TMEM114: variants seen among roughly 807,000 people sequenced by gnomAD.
TMEM114 encodes the protein transmembrane protein 114, also known as claudin-26.
A neutral mutation model predicts 6.2 loss-of-function variants in TMEM114; 6 were observed. That is an observed-to-expected ratio of 0.97 (90% CI 0.53 to 1.91). The LOEUF is 1.91. Among genes scored for constraint, TMEM114 ranks in the 40% most tolerant of loss-of-function variants. The pLI is 0.01. For synonymous variants in TMEM114, 104 were observed against 73.0 expected (o/e 1.42, Z -2.16); for missense variants, 218 against 158.3 (o/e 1.38, Z -2.02).
intron 2 of TMEM114, among the ~76,000 whole-genome samples, chr16:8,548,240 G>A (rs554475910): frequency 1.3e-5 from 2 of 152,282 alleles, no homozygotes; most frequent in African/African-American, 4.8e-5. Context: ...TTTGTGAAAA[G>A]GACATAATAT....
intron 2 of TMEM114, among the ~76,000 whole-genome samples, chr16:8,540,598 A>AAGT (rs57174274): frequency 0.099 from 14,560 of 146,410 alleles, 840 homozygotes; most frequent in Middle Eastern, 0.22. Flanking sequence ...GGGAGTTGAT[A>AAGT]AGAACAGGTG....
At chr16:8,588,761 A>T (rs1902392017) in intron 2 of TMEM114, among the ~76,000 whole-genome samples, 1 of 152,188 alleles carries the variant, frequency 6.6e-6, no homozygotes, top group African/African-American at 2.4e-5. Context: ...TGTTCTAGGC[A>T]ATGTGAATAC....
chr16:8,539,726 A>G (rs1166273082), intron 2 of TMEM114, among the ~76,000 whole-genome samples: 1 of 152,220 alleles, frequency 6.6e-6, no homozygotes, highest in Non-Finnish European at 1.5e-5. Context: ...TCCCATAGCA[A>G]TATCCAGATT....
chr16:8,539,611 G>A (rs1235121375), intron 2 of TMEM114, among the ~76,000 whole-genome samples: 3 of 152,086 alleles, frequency 2.0e-5, no homozygotes, highest in Non-Finnish European at 4.4e-5. Context: ...CCTGGGATTC[G>A]GGGTTGTATC....
At chr16:8,570,425 G>A (rs1452830951) in intron 3 of TMEM114, among the ~76,000 whole-genome samples, 2 of 152,026 alleles carry the variant, frequency 1.3e-5, no homozygotes, top group Admixed American at 6.5e-5. Flanking sequence ...TCCACCTCCC[G>A]GGTTCAAGCT....
intron 2 of TMEM114, among the ~76,000 whole-genome samples, chr16:8,577,386 A>G (rs776581196): frequency 5.3e-5 from 8 of 151,916 alleles, no homozygotes; most frequent in Non-Finnish European, 1.2e-4. Flanking sequence ...TTCCCTGTTG[A>G]TGTTCTTGGG....
chr16:8,579,018 T>C (rs963703151), intron 2 of TMEM114, among the ~76,000 whole-genome samples: 2 of 152,140 alleles, frequency 1.3e-5, no homozygotes, highest in Non-Finnish European at 2.9e-5. Flanking sequence ...AGGCCATTGT[T>C]TCATCAATGG....
In TMEM114 at chr16:8,555,356, G is replaced by A. The variant is rs1292957178; in HGVS notation, n.213-17530C>T. Among the ~76,000 whole-genome samples the A allele has an allele frequency of 2.0e-5, 3 of 152,238 alleles. No individual in the cohort carries two copies. In the South Asian group the frequency reaches 6.2e-4, roughly 32 times the overall value. On this transcript the variant is annotated intron_variant and non_coding_transcript_variant, in intron 2 of 2. Coordinates refer to the TMEM114 transcript ENST00000623677. ...AGAGCAGGGCTACCCCACAGGCAAT[G>A]TGCTAAGAGTAGCAGCTCAGGGCAG... is the stretch of plus-strand genomic sequence containing the variant.
chr16:8,552,426 G>C (rs1596472164), intron 2 of TMEM114, among the ~76,000 whole-genome samples: 1 of 151,972 alleles, frequency 6.6e-6, no homozygotes, highest in East Asian at 1.9e-4. Flanking sequence ...GCTACTTAGA[G>C]CTCCTTTGAG....
At chr16:8,584,924 A>G (rs994709681) in intron 2 of TMEM114, among the ~76,000 whole-genome samples, 3 of 143,156 alleles carry the variant, frequency 2.1e-5, no homozygotes, top group African/African-American at 8.1e-5. Flanking sequence ...CGCCGTCTCA[A>G]AAAAAAAAAA....
At chr16:8,548,694 G>GTGTATA (rs1555461967) in intron 2 of TMEM114, among the ~76,000 whole-genome samples, 1 of 139,882 alleles carries the variant, frequency 7.1e-6, no homozygotes, top group Non-Finnish European at 1.6e-5. Context: ...AAATTGCCAT[G>GTGTATA]TATATATATA....
At chr16:8,535,451 G>T (rs558616239), downstream of TMEM114, among the ~76,000 whole-genome samples, 1 of 151,902 alleles carries the variant, frequency 6.6e-6, no homozygotes, top group Non-Finnish European at 1.5e-5. Context: ...ACATTTGAAG[G>T]GAAGTTAATA....
At chr16:8,559,182 A>C (rs1901119173) in intron 2 of TMEM114, among the ~76,000 whole-genome samples, 1 of 151,924 alleles carries the variant, frequency 6.6e-6, no homozygotes, top group Non-Finnish European at 1.5e-5. Context: ...AGCTGGGACT[A>C]TACGCATGCG....
chr16:8,546,531 G>A (rs993413392), intron 2 of TMEM114, among the ~76,000 whole-genome samples: 1 of 152,302 alleles, frequency 6.6e-6, no homozygotes, highest in African/African-American at 2.4e-5. Flanking sequence ...CAGACTTGTA[G>A]AAAGTCCGGC....
chr16:8,580,495 TAA>T (rs560742507), intron 2 of TMEM114, among the ~76,000 whole-genome samples: 27 of 98,136 alleles, frequency 2.8e-4, no homozygotes, highest in Middle Eastern at 5.8e-3. Flanking sequence ...TCAAAAGAGG[TAA>T]AAAAAAAAAA....
chr16:8,529,692 A>G, the TMEM114 span, among the ~76,000 whole-genome samples: 232 of 152,180 alleles, frequency 1.5e-3, 1 homozygote, highest in African/African-American at 5.3e-3. Flanking sequence ...AGTAGTTCTG[A>G]ATCCTAGCTG....
At chr16:8,561,543 A>C (rs1473056166) in intron 2 of TMEM114, among the ~76,000 whole-genome samples, 1 of 152,222 alleles carries the variant, frequency 6.6e-6, no homozygotes, top group African/African-American at 2.4e-5. Flanking sequence ...TGGTGTTTCA[A>C]ACAGCACCTG....
chr16:8,559,870 G>A (rs748190521), intron 2 of TMEM114, among the ~76,000 whole-genome samples: 1 of 152,204 alleles, frequency 6.6e-6, no homozygotes, highest in Non-Finnish European at 1.5e-5. Flanking sequence ...GGGCTCTTTA[G>A]ACCCCAAAGG....
chr16:8,560,289 T>C (rs1901158297), intron 2 of TMEM114, among the ~76,000 whole-genome samples: 2 of 152,080 alleles, frequency 1.3e-5, no homozygotes. Context: ...TGAGGCACTG[T>C]GCCCAGCATG....
Sources: allele counts gnomAD v4.1 joint callset (sites outside exome capture counted in the v4.1 genomes callset), GRCh38; gene constraint gnomAD v4.1.1; transcripts MANE v1.5; gene names NCBI Gene and HGNC (gene_info 2026-07-23, HGNC 2026-07-21).